Variants in AGO2 observed in about 807,000 individuals in gnomAD.
AGO2 encodes the protein protein argonaute-2.
AGO2 carries 5 observed loss-of-function variants against 102.3 expected under a neutral mutation model. That is an observed-to-expected ratio of 0.05 (90% confidence interval 0.03 to 0.10). The LOEUF (loss-of-function observed/expected upper bound fraction) is 0.10, where lower values mean the gene tolerates loss of function less well. Ranked by LOEUF, AGO2 falls within the 10% of genes least tolerant of loss-of-function variation. The probability of loss-of-function intolerance (pLI) is 1.00; values close to 1 mark genes in which losing one functional copy is unlikely to be tolerated. For synonymous variants in AGO2, 449 were observed against 473.1 expected, an observed-to-expected ratio of 0.95 and a Z score of 0.66; for missense variants, 541 against 1,183.7, an observed-to-expected ratio of 0.46 and a Z score of 7.97.
Position 140,573,707 on chromosome 8 carries a change from C to T in AGO2, c.216-775G>A, listed in dbSNP as rs574567080. Reference sequence around the variant, plus strand: ...TCTGTGAAGGCACTGACGAGAAGAACAGAGCTTGTGACATTTGTGTTCCAT... The same window carrying T: ...TCTGTGAAGGCACTGACGAGAAGAATAGAGCTTGTGACATTTGTGTTCCAT... On this transcript the variant is annotated intron_variant, in intron 2 of 18. Coordinates refer to ENST00000220592, the MANE Select transcript of AGO2 (RefSeq NM_012154.5). Among the ~76,000 whole-genome samples, 3 of 152,352 alleles carry T rather than the reference C, an allele frequency of 2.0e-5. No homozygotes were observed. In the South Asian group the frequency reaches 6.2e-4, roughly 32 times the overall value.
intron 14 of AGO2, among the ~76,000 whole-genome samples, chr8:140,542,186 C>T (rs1300539578): frequency 1.3e-5 from 2 of 152,102 alleles, no homozygotes; most frequent in Non-Finnish European, 2.9e-5. Context: ...GTGGCCCAGC[C>T]CATGGAGGGA....
intron 2 of AGO2, among the ~76,000 whole-genome samples, chr8:140,578,330 T>C (rs974235961): frequency 6.6e-6 from 1 of 152,238 alleles, no homozygotes; most frequent in African/African-American, 2.4e-5. Context: ...CCATTTCAAC[T>C]AAGTGTTCAG....
intron 12 of AGO2, 73 bp downstream of exon 12, chr8:140,549,041 G>C (rs911437050): frequency 6.7e-7 from 1 of 1,496,188 alleles, no homozygotes; most frequent in African/African-American, 1.4e-5. Context: ...AAACACAGAG[G>C]GGCTTAGGCA....
intron 1 of AGO2, among the ~76,000 whole-genome samples, chr8:140,585,733 T>C (rs1300235596): frequency 6.6e-6 from 1 of 152,218 alleles, no homozygotes; most frequent in Non-Finnish European, 1.5e-5. Flanking sequence ...AGTGGCTCCA[T>C]ATTAGTAAAG....
intron 11 of AGO2, 92 bp downstream of exon 11, chr8:140,551,211 C>T: frequency 7.3e-7 from 1 of 1,376,454 alleles, no homozygotes; most frequent in South Asian, 1.7e-5. Flanking sequence ...CCCTCACCCC[C>T]ACCCCAACCA....
intron 13 of AGO2, among the ~76,000 whole-genome samples, chr8:140,547,207 T>C (rs1234711829): frequency 1.3e-5 from 2 of 152,188 alleles, no homozygotes; most frequent in East Asian, 1.9e-4. Flanking sequence ...CTGCTCTGCC[T>C]TGCCCACTGG....
chr8:140,561,949 C>A (rs1394601635), intron 4 of AGO2, among the ~76,000 whole-genome samples: 2 of 152,228 alleles, frequency 1.3e-5, no homozygotes, highest in Admixed American at 1.3e-4. Context: ...AGCAACCGGG[C>A]AGCTTGTGAG....
At chr8:140,621,179 C>A (rs2074213497) in intron 1 of AGO2, among the ~76,000 whole-genome samples, 1 of 152,228 alleles carries the variant, frequency 6.6e-6, no homozygotes, top group Non-Finnish European at 1.5e-5. Context: ...TCGTTTTCCA[C>A]CCTGCAGCCG....
At chr8:140,577,510 G>A (rs1722235503) in intron 2 of AGO2, among the ~76,000 whole-genome samples, 1 of 152,184 alleles carries the variant, frequency 6.6e-6, no homozygotes, top group South Asian at 2.1e-4. Context: ...AATCCAGAGA[G>A]GGATGTATTT....
intron 1 of AGO2, 77 bp downstream of exon 1, chr8:140,635,408 C>T: frequency 2.1e-6 from 2 of 962,060 alleles, no homozygotes; most frequent in Non-Finnish European, 2.5e-6. Flanking sequence ...CCGGCCCCTG[C>T]CGCCCGCGCC....
intron 17 of AGO2, among the ~76,000 whole-genome samples, chr8:140,534,920 G>A (rs2072669083): frequency 6.6e-6 from 1 of 152,136 alleles, no homozygotes; most frequent in Non-Finnish European, 1.5e-5. Context: ...GGTCAGATGG[G>A]GGTCCCCTCA....
In AGO2 at chr8:140,523,853, A is replaced by C. The variant is rs570186520; in HGVS notation, c.*8191T>G. On this transcript the variant is annotated 3_prime_UTR_variant, in exon 19 of 19. Coordinates refer to ENST00000220592, the MANE Select transcript of AGO2 (RefSeq NM_012154.5). ...CAGGATGGTGGGTTGGGGGAGAAAG[A>C]GGGGAGGGCCAAGAGGAGCCACCAA... 6.6e-6 allele frequency: 1 copy of C among 152,274 alleles called. No homozygotes were observed. Among genetic ancestry groups the C allele is most frequent in the South Asian group, 2.1e-4 (1 of 4,812 alleles). The allele number at this position is 152,274 out of a possible 1,614,324, so 9.4% of individuals were successfully genotyped here.
rs761447120 is a variant in AGO2, at chr8:140,535,507, G to A, written c.2232C>T (p.Thr744=). Residue 744 remains threonine (T), a synonymous_variant, in exon 17 of 19, where the codon ACC becomes ACT. Transcript: ENST00000220592. ...GACTACACAGGTAGAAGTCGAACTC[G>A]GTGGGGTGGGTGATTTTCGTGTCCA... is the stretch of plus-strand genomic sequence containing the variant. ...TTVDTKITHP[T]EFDFYLCSHA... The A allele has an allele frequency of 1.1e-5, 17 of 1,614,126 alleles. No individual in the cohort carries two copies. The highest frequency in any genetic ancestry group is 3.3e-5 in the Admixed American group (2 of 60,014).
intron 16 of AGO2, among the ~76,000 whole-genome samples, chr8:140,538,590 C>G (rs981946499): frequency 2.0e-4 from 30 of 152,204 alleles, no homozygotes; most frequent in Non-Finnish European, 4.1e-4. Context: ...GCTTCAACGC[C>G]GCCACCTCTC....
chr8:140,565,817 C>T (rs893941494), intron 3 of AGO2, among the ~76,000 whole-genome samples: 9 of 152,094 alleles, frequency 5.9e-5, no homozygotes, highest in South Asian at 2.1e-4. Context: ...CAGTGGTTCA[C>T]GCCTATAATC....
At chr8:140,578,576 T>C (rs1415607848) in intron 2 of AGO2, among the ~76,000 whole-genome samples, 1 of 152,240 alleles carries the variant, frequency 6.6e-6, no homozygotes, top group African/African-American at 2.4e-5. Flanking sequence ...CCAGCTCTGC[T>C]GGCCACCCAG....
At chr8:140,613,461 T>C (rs2074105820) in intron 1 of AGO2, among the ~76,000 whole-genome samples, 1 of 152,244 alleles carries the variant, frequency 6.6e-6, no homozygotes, top group Non-Finnish European at 1.5e-5. Flanking sequence ...ATACAACAGA[T>C]ATAACCCACA....
At position 140,540,597 on chromosome 8, in the gene AGO2, C is replaced by G. The variant is rs1167188509; in HGVS notation, c.2034+567G>C. Among the ~76,000 whole-genome samples, 1 of 152,166 alleles carries G rather than the reference C, an allele frequency of 6.6e-6. No homozygotes were observed. The highest frequency in any genetic ancestry group is 2.4e-5 in the African/African-American group (1 of 41,442). On this transcript the variant is annotated intron_variant, in intron 15 of 18. Coordinates refer to ENST00000220592, the MANE Select transcript of AGO2 (RefSeq NM_012154.5). The surrounding 1 kb of genome is among the most constrained non-coding windows in gnomAD (Gnocchi z 5.0). The stretch of plus-strand genomic sequence containing the variant: ...AACCAAAGACAGCAACGAAACTCCC[C>G]TCACCCCTCTGTGATGGCTTCCCTG...
At chr8:140,620,901 G>A (rs746147061) in intron 1 of AGO2, among the ~76,000 whole-genome samples, 1 of 152,050 alleles carries the variant, frequency 6.6e-6, no homozygotes, top group Non-Finnish European at 1.5e-5. Context: ...CAAATTCAAC[G>A]TAAATCTGGT....
Sources: gnomAD v4.1 joint callset for allele counts (sites outside exome capture counted in the v4.1 genomes callset) on GRCh38, gnomAD v4.1.1 for gene constraint, Gnocchi (gnomAD v3.1) non-coding constraint, MANE v1.5 for transcripts, NCBI Gene and HGNC (gene_info 2026-07-23, HGNC 2026-07-21) for gene names.